The following ADD3 variants were observed in gnomAD, a reference collection of about 807,000 sequenced individuals.
The protein encoded by ADD3 is adducin 3, also known as gamma-adducin.
Under a neutral mutation model 80.2 loss-of-function variants are expected in ADD3, and 25 were observed. That is an observed-to-expected ratio of 0.31 (90% CI 0.23 to 0.44). The LOEUF (loss-of-function observed/expected upper bound fraction) is 0.44, where lower values mean the gene tolerates loss of function less well. Among genes scored for constraint, ADD3 ranks in the 20% least tolerant of loss-of-function variants. The pLI, the probability that ADD3 is intolerant of heterozygous loss-of-function variation, is 1.00. For missense variants in ADD3, 829 were observed against 847.5 expected (o/e 0.98, Z 0.27); for synonymous variants, 284 against 289.6 (o/e 0.98, Z 0.20).
intron 12 of ADD3, 21 bp from the exon 13 acceptor site, chr10:110,130,341 AT>A: frequency 6.2e-7 from 1 of 1,612,186 alleles, no homozygotes. Context: ...TAATGAATCG[AT>A]TTTTATTTTT....
chr10:110,014,630 G>A (rs1175084271), intron 1 of ADD3, among the ~76,000 whole-genome samples: 3 of 151,842 alleles, frequency 2.0e-5, no homozygotes, highest in Non-Finnish European at 4.4e-5. Context: ...GGGCTCAAGG[G>A]ATTCTCCTGC....
chr10:110,022,285 T>C (rs891688878), intron 1 of ADD3, among the ~76,000 whole-genome samples: 3 of 152,172 alleles, frequency 2.0e-5, no homozygotes, highest in Non-Finnish European at 2.9e-5. Flanking sequence ...GTCTACTTTT[T>C]TCTCCATATC....
At chr10:110,051,928 A>G (rs558943145) in intron 1 of ADD3, among the ~76,000 whole-genome samples, 11 of 152,244 alleles carry the variant, frequency 7.2e-5, no homozygotes, top group South Asian at 2.1e-4. Context: ...CAGCCTCCCA[A>G]GTAGCTGGGA....
intron 1 of ADD3, among the ~76,000 whole-genome samples, chr10:110,024,348 C>T (rs910733333): frequency 6.6e-6 from 1 of 152,118 alleles, no homozygotes; most frequent in Non-Finnish European, 1.5e-5. Context: ...GCGTAAGCAC[C>T]TATAATAAAT....
chr10:110,048,099 G>T (rs1213258693), intron 1 of ADD3, among the ~76,000 whole-genome samples: 1 of 152,118 alleles, frequency 6.6e-6, no homozygotes, highest in Non-Finnish European at 1.5e-5. Context: ...TCCTGTTCTT[G>T]TGGTTGTCCT....
Position 110,034,863 on chromosome 10 carries a change from A to G in ADD3, c.-30+26564A>G, listed in dbSNP as rs138736465. 5.0e-3 allele frequency among the ~76,000 whole-genome samples: 769 copies of G among 152,376 alleles called. 4 individuals are homozygous for G. Among genetic ancestry groups the G allele is most frequent in the Middle Eastern group, 0.017 (5 of 294 alleles). The stretch of plus-strand genomic sequence containing the variant: ...TTGTGAGTAATAGGAAATACTAAGT[A>G]TAGACAAGCTTCTAAGTGTAAGCCA... On this transcript the variant is annotated intron_variant, in intron 1 of 14. Transcript: ENST00000356080.
In ADD3 at chr10:110,112,881, C is replaced by G; in HGVS notation, c.300C>G (p.Ala100=). The G allele has an allele frequency of 6.2e-7, 1 of 1,613,844 alleles. No individual in the cohort carries two copies. Among genetic ancestry groups the G allele is most frequent in the Non-Finnish European group, 8.5e-7 (1 of 1,179,938 alleles). The change falls in exon 3 of 15, where the codon GCC becomes GCG. Residue 100 remains alanine, a synonymous_variant. Coordinates refer to ENST00000356080, the MANE Select transcript of ADD3 (RefSeq NM_016824.5). The part of the protein sequence containing the change: ...ALQQIADYIM[A]NSFSGFSSPP... ...AGCAGATTGCAGATTACATCATGGC[C>G]AATTCTTTCTCGGGTTTTTCTTCAC...
rs752977387 is a variant in ADD3, at chr10:110,122,121, A to G, written c.972A>G (p.Leu324=). ...QLACEIQVQA[L]AGAGGVDNLH... ...ACCATTGATTACAGGTGCAGGCCCT[A>G]GCAGGTGCAGGTGGAGTAGACAATC... The change falls in exon 9 of 15, where the codon CTA becomes CTG. Residue 324 remains leucine (L), a synonymous_variant. Transcript: ENST00000356080. 16 of 1,613,036 alleles carry G rather than the reference A, an allele frequency of 9.9e-6. No homozygotes were observed. The Middle Eastern group carries it at 4.9e-4, about 50-fold the overall frequency.
upstream of ADD3, among the ~76,000 whole-genome samples, chr10:110,002,366 C>T (rs113614626): frequency 3.2e-3 from 485 of 152,108 alleles, 1 homozygote; most frequent in Middle Eastern, 6.8e-3. Context: ...CTCTGCCTCC[C>T]GGGTTCACGC....
intron 12 of ADD3, 39 bp downstream of exon 12, chr10:110,126,542 AC>A: frequency 7.3e-7 from 1 of 1,362,214 alleles, no homozygotes; most frequent in Non-Finnish European, 1.0e-6. Context: ...TTTTTTATTT[AC>A]CACATTAATT....
rs111247100 is a variant in ADD3 at position 110,008,596 on chromosome 10, C to A, written c.-30+297C>A. Among the ~76,000 whole-genome samples, 4 of 152,164 alleles carry A rather than the reference C, an allele frequency of 2.6e-5. No homozygotes were observed. The East Asian group carries it at 5.8e-4, about 22-fold the overall frequency. ...CGCCGGGTGGGCCCGACGCTTCGCG[C>A]GTCTGCTGGTTTTCCCTAGGAAGGC... On this transcript the variant is annotated intron_variant, in intron 1 of 14. Coordinates refer to ENST00000356080, the MANE Select transcript of ADD3 (RefSeq NM_016824.5).
At chr10:109,996,644 T>G (rs1851385109) in intron 1 of ADD3, among the ~76,000 whole-genome samples, 1 of 152,238 alleles carries the variant, frequency 6.6e-6, no homozygotes. Flanking sequence ...AATTAATGTC[T>G]TAGGTTTATG....
At chr10:110,080,820 G>A (rs964728353) in intron 1 of ADD3, among the ~76,000 whole-genome samples, 2 of 152,190 alleles carry the variant, frequency 1.3e-5, no homozygotes, top group African/African-American at 4.8e-5. Context: ...CATAATTAAA[G>A]TTTTCAGATT....
intron 1 of ADD3, among the ~76,000 whole-genome samples, chr10:110,093,909 C>T (rs368590756): frequency 1.3e-5 from 2 of 152,028 alleles, no homozygotes; most frequent in African/African-American, 2.4e-5. Context: ...GTACTATATT[C>T]GCCTATTTTT....
At chr10:110,080,302 A>G (rs1052832437) in intron 1 of ADD3, among the ~76,000 whole-genome samples, 4 of 152,192 alleles carry the variant, frequency 2.6e-5, no homozygotes, top group Non-Finnish European at 5.9e-5. Context: ...ATTGAAATAG[A>G]TGAGTTTTAA....
At chr10:110,018,825 G>A (rs1017395331) in intron 1 of ADD3, among the ~76,000 whole-genome samples, 14 of 152,294 alleles carry the variant, frequency 9.2e-5, no homozygotes, top group Middle Eastern at 3.4e-3. Context: ...TTAGAATATG[G>A]CAGGAGTGAA....
At chr10:110,078,896 TAGA>T (rs1055670089) in intron 1 of ADD3, among the ~76,000 whole-genome samples, 4 of 152,230 alleles carry the variant, frequency 2.6e-5, no homozygotes, top group African/African-American at 9.6e-5. Context: ...ATATTGAAAT[TAGA>T]AGATTTTTAA....
intron 1 of ADD3, among the ~76,000 whole-genome samples, chr10:110,038,018 G>A (rs1233246369): frequency 1.5e-5 from 2 of 129,882 alleles, no homozygotes; most frequent in East Asian, 2.3e-4. Context: ...GTGGTGAGCC[G>A]AAATGGTGCC....
chr10:110,115,943 A>G (rs1850678547), intron 3 of ADD3, among the ~76,000 whole-genome samples: 1 of 152,208 alleles, frequency 6.6e-6, no homozygotes. Context: ...TAACCTCAGT[A>G]TTTAACACTT....
Sources: allele counts gnomAD v4.1 joint callset (sites outside exome capture counted in the v4.1 genomes callset), GRCh38; gene constraint gnomAD v4.1.1; transcripts MANE v1.5; gene names NCBI Gene and HGNC (gene_info 2026-07-23, HGNC 2026-07-21).